The following TFRC variants were observed in gnomAD, a reference collection of about 807,000 sequenced individuals.
TFRC encodes transferrin receptor protein 1.
Under a neutral mutation model 85.8 loss-of-function variants are expected in TFRC, and 35 were observed. The observed-to-expected ratio is 0.41, with a 90% CI of 0.31 to 0.54. TFRC has a LOEUF of 0.54. TFRC is among the 20% of genes least tolerant of loss of function. The probability of loss-of-function intolerance (pLI) is 0.31; values close to 1 mark genes in which losing one functional copy is unlikely to be tolerated. For missense variants in TFRC, 828 were observed against 921.5 expected (o/e 0.90, Z 1.31); for synonymous variants, 362 against 328.6 (o/e 1.10, Z -1.10).
chr3:196,054,099 G>A (rs41298061), intron 17 of TFRC, among the ~76,000 whole-genome samples: 20,553 of 151,942 alleles, frequency 0.14, 2,871 homozygotes, highest in East Asian at 0.66. Flanking sequence ...TTAGCCGGGC[G>A]TGGTGGCCGG....
chr3:196,055,441 C>G (rs551901778), intron 16 of TFRC, 140 bp from the exon 17 acceptor site: 1 of 678,306 alleles, frequency 1.5e-6, no homozygotes, highest in Non-Finnish European at 2.6e-6. Flanking sequence ...TACCCCAATT[C>G]TATCTCATTA....
chr3:196,065,434 G>GGGGGGT lies in TFRC; in HGVS notation c.1198+8_1198+9insACCCCC. On this transcript the variant is annotated intron_variant, in intron 10 of 18. Coordinates refer to ENST00000360110, the MANE Select transcript of TFRC (RefSeq NM_001128148.3). ...AAGCGGGGCGGGGGGGGGGGGGGGC[G>GGGGGGT]GTCTTTACCTGGTTCTACAAAGCCT... 1.3e-5 allele frequency: 8 copies of GGGGGGT among 621,538 alleles called. No individual in the cohort carries two copies. Among genetic ancestry groups the GGGGGGT allele is most frequent in the Non-Finnish European group, 1.5e-5 (7 of 454,774 alleles). 38.5% of individuals were successfully genotyped at this position (621,538 alleles called of 1,614,324 possible). A position where few individuals can be genotyped will look rare whatever the true frequency, so the allele number is the denominator to read the frequency against.
chr3:196,060,825 A>AAAAT (rs1310502711), intron 13 of TFRC, among the ~76,000 whole-genome samples: 1,560 of 141,074 alleles, frequency 0.011, 56 homozygotes, highest in South Asian at 0.034. Context: ...AAAAAAAAAA[A>AAAAT]ATCAGACCAG....
At chr3:196,060,097 C>T (rs919060622) in intron 14 of TFRC, 83 bp downstream of exon 14, 25 of 1,064,546 alleles carry the variant, frequency 2.3e-5, no homozygotes, top group East Asian at 7.8e-5. Flanking sequence ...TTACTGACTA[C>T]GGTTTACATA....
intron 16 of TFRC, among the ~76,000 whole-genome samples, chr3:196,056,510 C>T (rs1027768962): frequency 2.0e-5 from 3 of 152,188 alleles, no homozygotes; most frequent in Non-Finnish European, 4.4e-5. Flanking sequence ...AGCGATTCTT[C>T]CACCTCAGCC....
chr3:196,053,302 T>C (rs1020275010), intron 18 of TFRC, 116 bp downstream of exon 18: 5 of 1,141,310 alleles, frequency 4.4e-6, no homozygotes, highest in Admixed American at 2.0e-5. Context: ...AAACCATTAA[T>C]GCTCCCTTCT....
chr3:196,071,497 C>G lies in TFRC; in HGVS notation c.586G>C (p.Ala196Pro), dbSNP rs780997842. The G allele has an allele frequency of 1.9e-6, 3 of 1,613,762 alleles. No individual in the cohort carries two copies. The highest frequency in any genetic ancestry group is 2.7e-5 in the African/African-American group (2 of 75,004). The change falls in exon 6 of 19, where the codon GCT becomes CCT. Residue 196 changes from alanine to proline, a missense_variant and splice_region_variant. Ala to Pro is a conservative substitution (Grantham distance 27). Transcript: ENST00000360110. ...HFVKIQVKDS[A>P]QNSVIIVDKN... is the part of the protein sequence containing the mutation. ...TCAACTATGATCACCGAGTTTTGAG[C>G]GCTGTTAAAAAGATTAAGTTAAAAT... is the stretch of plus-strand genomic sequence containing the variant.
rs1444647178 is a variant in TFRC, at chr3:196,062,610, A to T, written c.1440T>A (p.Thr480=). 6.2e-7 allele frequency: 1 copy of T among 1,609,698 alleles called. No homozygotes were observed. The highest frequency in any genetic ancestry group is 8.5e-7 in the Non-Finnish European group (1 of 1,178,800). The change falls in exon 13 of 19, where the codon ACT becomes ACA. Residue 480 remains threonine (T), a synonymous_variant. Transcript: ENST00000360110. The part of the protein sequence containing the change: ...YLSSLHLKAF[T]YINLDKAVLG... ...GAACCGCTTTATCCAGATTAATATA[A>T]GTGAAAGCCTTTAAATGCAGGGACG...
chr3:196,066,590 C>T (rs972199107), intron 9 of TFRC, among the ~76,000 whole-genome samples: 2 of 152,126 alleles, frequency 1.3e-5, no homozygotes, highest in Admixed American at 6.6e-5. Context: ...TAAGATGGGA[C>T]GCTGGCTTCA....
chr3:196,071,562 AT>A, intron 5 of TFRC, 64 bp from the exon 6 acceptor site: 3 of 1,441,486 alleles, frequency 2.1e-6, no homozygotes, highest in Non-Finnish European at 2.9e-6. Flanking sequence ...AATAGCTTAC[AT>A]TTAGTATGTC....
chr3:196,052,851 G>A (rs1042224510), intron 18 of TFRC, among the ~76,000 whole-genome samples: 5 of 152,156 alleles, frequency 3.3e-5, no homozygotes, highest in African/African-American at 7.2e-5. Context: ...AGCGGCTCAC[G>A]CTTGTAATAC....
chr3:196,060,506 C>T, intron 13 of TFRC: 1 of 410,876 alleles, frequency 2.4e-6, no homozygotes, highest in Non-Finnish European at 4.4e-6. Flanking sequence ...TTAAAAATAT[C>T]AGAGCAGTTA....
At chr3:196,055,800 G>C (rs920429651) in intron 16 of TFRC, among the ~76,000 whole-genome samples, 16 of 149,800 alleles carry the variant, frequency 1.1e-4, no homozygotes, top group African/African-American at 4.0e-4. Flanking sequence ...CTTGAGACAA[G>C]GTCTCTGTCA....
In TFRC at chr3:196,060,825, A is replaced by AAAAAT. The variant is rs1310502711; in HGVS notation, c.1469-579_1469-578insATTTT. ...AAAAAAAAAAAAAAAAAAAAAAAAA[A>AAAAAT]ATCAGACCAGTTTTAGGTTCAGCAG... On this transcript the variant is annotated intron_variant, in intron 13 of 18. Coordinates refer to ENST00000360110, the MANE Select transcript of TFRC (RefSeq NM_001128148.3). Among the ~76,000 whole-genome samples the AAAAAT allele has an allele frequency of 2.0e-3, 278 of 141,126 alleles. 8 individuals are homozygous for AAAAAT. Among genetic ancestry groups the AAAAAT allele is most frequent in the Non-Finnish European group, 3.3e-3 (212 of 63,658 alleles). The allele number at this position is 141,126 out of a possible 152,430, so 92.6% of individuals were successfully genotyped here.
chr3:196,065,428 G>GA lies in TFRC; in HGVS notation c.1198+14_1198+15insT. ...AAAAAAAAGCGGGGCGGGGGGGGGGGGGGGCGGTCTTTACCTGGTTCTACA... is the reference window on the plus strand; with the variant it reads ...AAAAAAAAGCGGGGCGGGGGGGGGGGAGGGGCGGTCTTTACCTGGTTCTACA... On this transcript the variant is annotated intron_variant, in intron 10 of 18. Transcript: ENST00000360110. 1 of 675,944 alleles carries GA rather than the reference G, an allele frequency of 1.5e-6. No individual in the cohort carries two copies. Among genetic ancestry groups the GA allele is most frequent in the Non-Finnish European group, 2.0e-6 (1 of 493,298 alleles). 41.9% of individuals were successfully genotyped at this position (675,944 alleles called of 1,614,324 possible).
intron 17 of TFRC, among the ~76,000 whole-genome samples, chr3:196,054,070 C>T (rs1716569857): frequency 6.6e-6 from 1 of 151,708 alleles, no homozygotes; most frequent in South Asian, 2.1e-4. Context: ...AACCCCGGCT[C>T]TACTAAAAAT....
At chr3:196,065,421 G>GGGGC in intron 10 of TFRC, 22 bp downstream of exon 10, 3 of 219,752 alleles carry the variant, frequency 1.4e-5, no homozygotes, top group Non-Finnish European at 1.9e-5. Flanking sequence ...GCGGGGCGGG[G>GGGGC]GGGGGGGGGG....
intron 4 of TFRC, among the ~76,000 whole-genome samples, 182 bp from the exon 5 acceptor site, chr3:196,072,334 A>G (rs1192427730): frequency 1.3e-5 from 2 of 152,206 alleles, no homozygotes; most frequent in African/African-American, 4.8e-5. Context: ...TTTGCCCCAA[A>G]TCTTGTAACT....
At position 196,075,276 on chromosome 3, in the gene TFRC, C is replaced by A; in HGVS notation, c.121G>T (p.Ala41Ser). ...TCAGCATTTTCTTCTTCATCTACAG[C>A]AAGTTTCATCTCCACATGACTGTTA... Reference protein sequence around the residue: ...GDNSHVEMKLAVDEEENADNN... With the variant: ...GDNSHVEMKLSVDEEENADNN... The change falls in exon 3 of 19, where the codon GCT becomes TCT. Residue 41 changes from alanine to serine, a missense_variant. Coordinates refer to ENST00000360110, the MANE Select transcript of TFRC (RefSeq NM_001128148.3). 1 of 1,614,112 alleles carries A rather than the reference C, an allele frequency of 6.2e-7. No individual in the cohort carries two copies. Among genetic ancestry groups the A allele is most frequent in the Non-Finnish European group, 8.5e-7 (1 of 1,180,016 alleles).
Sources: gnomAD v4.1 joint callset for allele counts (sites outside exome capture counted in the v4.1 genomes callset) on GRCh38, gnomAD v4.1.1 for gene constraint, MANE v1.5 for transcripts, NCBI Gene and HGNC (gene_info 2026-07-23, HGNC 2026-07-21) for gene names.